KLRK1: variants seen among roughly 807,000 people sequenced by gnomAD.
KLRK1 encodes the protein NKG2-D type II integral membrane protein.
KLRK1 carries 40 observed loss-of-function variants against 31.3 expected under a neutral mutation model. That is an observed-to-expected ratio of 1.28 (90% CI 0.99 to 1.67). KLRK1 has a LOEUF of 1.67. Among genes scored for constraint, KLRK1 ranks in the 40% most tolerant of loss-of-function variants. The pLI is 0.00. For synonymous variants in KLRK1, 77 were observed against 77.3 expected, an observed-to-expected ratio of 1.00 and a Z score of 0.02; for missense variants, 251 against 260.0, an observed-to-expected ratio of 0.97 and a Z score of 0.24.
intron 6 of KLRK1, 101 bp from the exon 7 acceptor site, chr12:10,378,336 A>T (rs949328808): frequency 5.1e-6 from 7 of 1,378,942 alleles, no homozygotes; most frequent in Admixed American, 4.2e-5. Flanking sequence ...TTGTAAAAAA[A>T]TGCATTCTGT....
At chr12:10,389,023 G>A in intron 1 of KLRK1, 148 bp from the exon 2 acceptor site, 1 of 494,300 alleles carries the variant, frequency 2.0e-6, no homozygotes, top group Non-Finnish European at 3.5e-6. Flanking sequence ...ATAAAGCCAG[G>A]CAAAATTAAT....
chr12:10,378,329 T>TA (rs1318284952), intron 6 of KLRK1, 94 bp from the exon 7 acceptor site: 87 of 1,401,290 alleles, frequency 6.2e-5, no homozygotes, highest in Middle Eastern at 1.9e-4. Flanking sequence ...CTCACACTTG[T>TA]AAAAAAATGC....
Position 10,378,210 on chromosome 12 carries a change from T to C in KLRK1, c.455A>G (p.Tyr152Cys), listed in dbSNP as rs1447074867. The C allele has an allele frequency of 1.9e-6, 3 of 1,613,786 alleles. No individual in the cohort carries two copies. The highest frequency in any genetic ancestry group is 2.7e-5 in the African/African-American group (2 of 74,936). Reference protein sequence around the residue: ...DQDLLKLVKSYHWMGLVHIPT... With the variant: ...DQDLLKLVKSCHWMGLVHIPT... ...AATGTGTACTAGTCCCATCCAATGA[T>C]ATGACTTCACCAGTTTAAGTAAATC... is the stretch of plus-strand genomic sequence containing the variant. Residue 152 changes from tyrosine to cysteine, a missense_variant, in exon 7 of 8, where the codon TAT (tyrosine) becomes TGT (cysteine). Tyr to Cys is a radical substitution (Grantham distance 194). Coordinates refer to ENST00000240618, the MANE Select transcript of KLRK1 (RefSeq NM_007360.4).
chr12:10,378,050 G>T, intron 7 of KLRK1, 82 bp downstream of exon 7: 2 of 1,354,502 alleles, frequency 1.5e-6, no homozygotes, highest in Non-Finnish European at 2.1e-6. Context: ...CTGGGATTAT[G>T]TGAGATGAGT....
Position 10,379,685 on chromosome 12 carries a change from T to A in KLRK1, c.241+15A>T, listed in dbSNP as rs778264314. ...AATTGACAATGTTGCAATCTACTTCTCTGTTGTCACTTACAGTTTAGGAAT... is the reference window on the plus strand; with the variant it reads ...AATTGACAATGTTGCAATCTACTTCACTGTTGTCACTTACAGTTTAGGAAT... On this transcript the variant is annotated intron_variant, in intron 4 of 7. Transcript: ENST00000240618. 5 of 1,587,076 alleles carry A rather than the reference T, an allele frequency of 3.2e-6. No homozygotes were observed. The South Asian group carries it at 4.8e-5, about 15-fold the overall frequency.
chr12:10,373,330 A>G (rs2137798690), intron 7 of KLRK1, 99 bp from the exon 8 acceptor site: 7 of 993,994 alleles, frequency 7.0e-6, no homozygotes, highest in Non-Finnish European at 8.7e-6. Flanking sequence ...GGAACTTAAT[A>G]CCATTTTAGG....
At position 10,373,190 on chromosome 12, in the gene KLRK1, T is replaced by G; in HGVS notation, c.575A>C (p.Tyr192Ser). 6.2e-7 allele frequency: 1 copy of G among 1,611,764 alleles called. No homozygotes were observed. The highest frequency in any genetic ancestry group is 8.5e-7 in the Non-Finnish European group (1 of 1,179,224). Residue 192 changes from tyrosine to serine, a missense_variant, in exon 8 of 8, where the codon TAT (tyrosine) becomes TCT (serine). By Grantham distance (144) the Tyr-to-Ser change is moderately radical. Transcript: ENST00000240618. ...TATATAGCCTTTAAAGCTCGAGGCA[T>G]AGAGTGCACAGTCTCCCTTCTGCAT... is the stretch of plus-strand genomic sequence containing the variant. ...IEMQKGDCAL[Y>S]ASSFKGYIEN...
chr12:10,378,169 A>T lies in KLRK1; in HGVS notation c.496T>A (p.Trp166Arg). Residue 166 changes from tryptophan (W) to arginine (R), a missense_variant, in exon 7 of 8, where the codon TGG becomes AGG. Physicochemically the swap from Trp to Arg is moderately radical, Grantham distance 101 (BLOSUM62 -3). Coordinates refer to ENST00000240618, the MANE Select transcript of KLRK1 (RefSeq NM_007360.4). ...AGAATGGAGCCATCTTCCCACTGCC[A>T]AGATCCATTTGTTGGAATGTGTACT... ...GLVHIPTNGS[W>R]QWEDGSILSP... 6.2e-7 allele frequency: 1 copy of T among 1,614,168 alleles called. No homozygotes were observed. Among genetic ancestry groups the T allele is most frequent in the Non-Finnish European group, 8.5e-7 (1 of 1,180,000 alleles).
intron 2 of KLRK1, among the ~76,000 whole-genome samples, chr12:10,388,272 A>T (rs181764796): frequency 6.6e-6 from 1 of 152,354 alleles, no homozygotes; most frequent in Non-Finnish European, 1.5e-5. Flanking sequence ...AAGCTTATTT[A>T]ATATAATGTT....
At chr12:10,378,882 GGT>G (rs1863013916) in intron 5 of KLRK1, 177 bp from the exon 6 acceptor site, 2 of 698,012 alleles carry the variant, frequency 2.9e-6, no homozygotes, top group Non-Finnish European at 4.3e-6. Flanking sequence ...GGCTGGGTGT[GGT>G]GTCTCATGCC....
intron 7 of KLRK1, among the ~76,000 whole-genome samples, chr12:10,373,695 AGTGT>A (rs10537864): frequency 0.08 from 11,742 of 146,856 alleles, 529 homozygotes; most frequent in Middle Eastern, 0.16. Flanking sequence ...AGTGTGTATA[AGTGT>A]GTGTGTGTGT....
intron 5 of KLRK1, chr12:10,379,229 A>G (rs1863023147): frequency 6.2e-6 from 1 of 160,966 alleles, no homozygotes; most frequent in Admixed American, 6.5e-5. Context: ...AAAAAAAAAA[A>G]AAAAAGAGAG....
intron 3 of KLRK1, among the ~76,000 whole-genome samples, chr12:10,382,677 CACAG>C (rs59188881): frequency 0.054 from 8,195 of 152,116 alleles, 710 homozygotes; most frequent in African/African-American, 0.19. Context: ...AAAGTAAGTA[CACAG>C]ACAAATTCAG....
Position 10,373,025 on chromosome 12 carries a change from T to G in KLRK1, c.*89A>C, listed in dbSNP as rs1862890952. ...GTCTTTGGTCATTTTGTCCTGTTTTTGTTTGTTTCCTTTAGTCTCAGTTGG... is the reference window on the plus strand; with the variant it reads ...GTCTTTGGTCATTTTGTCCTGTTTTGGTTTGTTTCCTTTAGTCTCAGTTGG... On this transcript the variant is annotated 3_prime_UTR_variant, in exon 8 of 8. Coordinates refer to ENST00000240618, the MANE Select transcript of KLRK1 (RefSeq NM_007360.4). The G allele has an allele frequency of 8.5e-7, 1 of 1,174,940 alleles. No individual in the cohort carries two copies. Among genetic ancestry groups the G allele is most frequent in the African/African-American group, 1.5e-5 (1 of 65,070 alleles). 72.8% of individuals were successfully genotyped at this position (1,174,940 alleles called of 1,614,324 possible).
rs764348923 is a variant in KLRK1 at position 10,389,350 on chromosome 12, T to TATC, written c.-65-478_-65-476dup. On this transcript the variant is annotated intron_variant, in intron 1 of 7. Coordinates refer to ENST00000240618, the MANE Select transcript of KLRK1 (RefSeq NM_007360.4). The stretch of plus-strand genomic sequence containing the variant: ...AGTGCATTTTAATCCAACGTGCCCA[T>TATC]ATCATCATCATCAACAAATTATCAT... 1.6e-4 allele frequency among the ~76,000 whole-genome samples: 25 copies of TATC among 152,294 alleles called. 1 individual carries two copies. Among genetic ancestry groups the TATC allele is most frequent in the Admixed American group, 1.4e-3 (22 of 15,296 alleles).
In KLRK1 at chr12:10,372,906, T is replaced by A. The variant is rs1297526140; in HGVS notation, c.*208A>T. The A allele has an allele frequency of 3.9e-6, 2 of 511,108 alleles. No individual in the cohort carries two copies. Among genetic ancestry groups the A allele is most frequent in the Non-Finnish European group, 6.8e-6 (2 of 296,132 alleles). 31.7% of individuals were successfully genotyped at this position (511,108 alleles called of 1,614,324 possible). ...CAGCCTTGGGGATATCTGAATTGCC[T>A]TTAGGATCTCTCTTCTTTTGTCTTG... On this transcript the variant is annotated 3_prime_UTR_variant, in exon 8 of 8. Transcript: ENST00000240618.
chr12:10,379,615 T>G (rs1863032750), intron 4 of KLRK1, 85 bp downstream of exon 4: 2 of 1,404,688 alleles, frequency 1.4e-6, no homozygotes, highest in Non-Finnish European at 1.9e-6. Flanking sequence ...AGTTTATGTG[T>G]CTGTGTTTAT....
intron 3 of KLRK1, among the ~76,000 whole-genome samples, chr12:10,386,421 TG>T (rs1210389177): frequency 6.6e-6 from 1 of 152,076 alleles, no homozygotes; most frequent in Admixed American, 6.5e-5. Context: ...GAGGGTCATC[TG>T]TTGTTTTCCT....
intron 3 of KLRK1, among the ~76,000 whole-genome samples, chr12:10,383,698 C>A (rs1485212572): frequency 3.3e-5 from 5 of 152,080 alleles, no homozygotes; most frequent in African/African-American, 1.2e-4. Flanking sequence ...GCAAAATACA[C>A]ATTCTTCTTA....
Sources: allele counts gnomAD v4.1 joint callset (sites outside exome capture counted in the v4.1 genomes callset), GRCh38; gene constraint gnomAD v4.1.1; transcripts MANE v1.5; gene names NCBI Gene and HGNC (gene_info 2026-07-23, HGNC 2026-07-21).